DIAPH2: variants seen among roughly 807,000 people sequenced by gnomAD.
The protein encoded by DIAPH2 is protein diaphanous homolog 2.
DIAPH2 carries 35 observed loss-of-function variants against 92.7 expected under a neutral mutation model. That is an observed-to-expected ratio of 0.38 (90% CI 0.29 to 0.50). The LOEUF is 0.50. Among genes scored for constraint, DIAPH2 ranks in the 20% least tolerant of loss-of-function variants. The probability of loss-of-function intolerance (pLI) is 0.94; values close to 1 mark genes in which losing one functional copy is unlikely to be tolerated. For missense variants in DIAPH2, 701 were observed against 819.5 expected (o/e 0.86, Z 1.77); for synonymous variants, 301 against 280.4 (o/e 1.07, Z -0.73).
chrX:97,234,171 A>T (rs2068029183), intron 22 of DIAPH2, among the ~76,000 whole-genome samples: 1 of 104,089 alleles, frequency 9.6e-6, no homozygotes, highest in Non-Finnish European at 2.0e-5. Flanking sequence ...TAAAAATACA[A>T]AAAAAAAAAA....
chrX:96,704,623 C>G (rs1431489580), intron 1 of DIAPH2, among the ~76,000 whole-genome samples: 1 of 111,862 alleles, frequency 8.9e-6, no homozygotes, highest in Non-Finnish European at 1.9e-5. Context: ...TGCTACTGGT[C>G]TCTCCTCCAT....
At chrX:96,983,714 T>C (rs2066012686) in intron 17 of DIAPH2, among the ~76,000 whole-genome samples, 1 of 111,759 alleles carries the variant, frequency 8.9e-6, no homozygotes, top group African/African-American at 3.2e-5. Context: ...TTGTACAAAG[T>C]CTTTTCTGCA....
chrX:96,885,449 C>CAAAAAAAAAAAAAA (rs60706314), intron 5 of DIAPH2: 1 of 34,256 alleles, frequency 2.9e-5, no homozygotes, highest in African/African-American at 1.2e-4. Context: ...AGCGAAAAGA[C>CAAAAAAAAAAAAAA]AAAAAAAAAA....
At chrX:97,461,031 A>G (rs1301680949) in intron 26 of DIAPH2, among the ~76,000 whole-genome samples, 1 of 112,064 alleles carries the variant, frequency 8.9e-6, no homozygotes, top group African/African-American at 3.2e-5. Flanking sequence ...GTATGACCCT[A>G]CAGGGCCGAT....
chrX:97,243,782 T>C (rs1416822359), intron 22 of DIAPH2, among the ~76,000 whole-genome samples: 2 of 111,873 alleles, frequency 1.8e-5, no homozygotes, highest in South Asian at 3.8e-4. Flanking sequence ...TCTCTACTTA[T>C]ATAATAATTG....
intron 15 of DIAPH2, among the ~76,000 whole-genome samples, chrX:96,949,626 G>A (rs1356009647): frequency 9.8e-6 from 1 of 102,107 alleles, no homozygotes; most frequent in Non-Finnish European, 2.0e-5. Context: ...GGCAGATCAC[G>A]AGGTCAGGAG....
At chrX:96,890,660 C>T (rs138000853) in intron 5 of DIAPH2, among the ~76,000 whole-genome samples, 3 of 111,144 alleles carry the variant, frequency 2.7e-5, no homozygotes, top group Non-Finnish European at 5.7e-5. Context: ...CACACACATA[C>T]GTATACATAC....
chrX:97,170,649 A>T (rs892791453), intron 22 of DIAPH2, among the ~76,000 whole-genome samples: 1 of 111,335 alleles, frequency 9.0e-6, no homozygotes, highest in Non-Finnish European at 1.9e-5. Flanking sequence ...CTTTAAATAC[A>T]TTGCTTTTTA....
intron 26 of DIAPH2, among the ~76,000 whole-genome samples, chrX:97,552,579 T>G (rs1293967578): frequency 9.1e-6 from 1 of 109,668 alleles, no homozygotes; most frequent in African/African-American, 3.3e-5. Context: ...TTTTTTTTTT[T>G]CCTTTTTTTA....
intron 26 of DIAPH2, among the ~76,000 whole-genome samples, chrX:97,587,661 CAA>C (rs1261383501): frequency 1.8e-5 from 2 of 111,499 alleles, no homozygotes; most frequent in African/African-American, 3.3e-5. Context: ...CTCATTGTCC[CAA>C]AAGTGACTAA....
At chrX:96,994,155 A>C (rs1389653962) in intron 17 of DIAPH2, among the ~76,000 whole-genome samples, 1 of 112,155 alleles carries the variant, frequency 8.9e-6, no homozygotes, top group Non-Finnish European at 1.9e-5. Context: ...GGAGTTTTTT[A>C]AACAAGTCTC....
intron 24 of DIAPH2, among the ~76,000 whole-genome samples, chrX:97,366,003 T>G (rs758239494): frequency 1.8e-5 from 2 of 111,942 alleles, no homozygotes; most frequent in Non-Finnish European, 3.8e-5. Context: ...CATATCATAT[T>G]GTTAATGTGG....
Position 97,129,125 on chromosome X carries a change from T to TCTTTCCTTTC in DIAPH2, c.2590-12536_2590-12535insCCTTTCCTTT, listed in dbSNP as rs1174447607. 7.0e-5 allele frequency among the ~76,000 whole-genome samples: 6 copies of TCTTTCCTTTC among 86,113 alleles called. 1 individual carries two copies. Among genetic ancestry groups the TCTTTCCTTTC allele is most frequent in the African/African-American group, 2.4e-4 (5 of 20,786 alleles). The allele number at this position is 86,113 out of a possible 115,157, so 74.8% of individuals were successfully genotyped here. Reference sequence around the variant, plus strand: ...TCTTTTCTTTTCTTTTCTTTTCTTTTCTTTTCTTTTCTTTTCTTTTCTTTC... The same window carrying TCTTTCCTTTC: ...TCTTTTCTTTTCTTTTCTTTTCTTTTCTTTCCTTTCCTTTTCTTTTCTTTTCTTTTCTTTC... On this transcript the variant is annotated intron_variant, in intron 21 of 26. Transcript: ENST00000324765.
intron 26 of DIAPH2, among the ~76,000 whole-genome samples, chrX:97,564,977 A>T (rs2147870958): frequency 8.9e-6 from 1 of 112,316 alleles, no homozygotes; most frequent in East Asian, 2.8e-4. Flanking sequence ...TCATGGCTTT[A>T]GTTTTAAAAA....
chrX:97,579,399 G>C (rs1718538960), intron 26 of DIAPH2, among the ~76,000 whole-genome samples: 1 of 110,765 alleles, frequency 9.0e-6, no homozygotes, highest in South Asian at 3.9e-4. Flanking sequence ...TGGCTAGCCA[G>C]TTTTCCCAGC....
intron 25 of DIAPH2, among the ~76,000 whole-genome samples, chrX:97,417,513 A>C (rs1392508863): frequency 3.6e-5 from 4 of 110,857 alleles, no homozygotes. Context: ...ATCTCTGCTA[A>C]AAATACAAAA....
chrX:97,130,027 T>C (rs1280108542), intron 21 of DIAPH2, among the ~76,000 whole-genome samples: 2 of 111,717 alleles, frequency 1.8e-5, no homozygotes, highest in Non-Finnish European at 3.8e-5. Flanking sequence ...CACTAATCAT[T>C]AGGAAATTGC....
chrX:96,746,344 A>C (rs1200475998), intron 3 of DIAPH2, among the ~76,000 whole-genome samples: 3 of 111,778 alleles, frequency 2.7e-5, no homozygotes, highest in Non-Finnish European at 5.6e-5. Context: ...TCTTTTACTA[A>C]AGTTTTCAAG....
intron 22 of DIAPH2, among the ~76,000 whole-genome samples, chrX:97,246,787 A>G (rs1213596909): frequency 1.8e-5 from 2 of 112,361 alleles, no homozygotes; most frequent in Non-Finnish European, 3.8e-5. Context: ...ACAGTATTTC[A>G]GAGGCCTGGA....
Sources: allele counts gnomAD v4.1 joint callset (sites outside exome capture counted in the v4.1 genomes callset), GRCh38; gene constraint gnomAD v4.1.1; transcripts MANE v1.5; gene names NCBI Gene and HGNC (gene_info 2026-07-23, HGNC 2026-07-21).